The following CEP152 variants were observed in gnomAD, a reference collection of about 807,000 sequenced individuals.
The protein encoded by CEP152 is centrosomal protein 152.
Under a neutral mutation model 188.9 loss-of-function variants are expected in CEP152, and 132 were observed. The ratio of observed to expected loss-of-function variants is 0.70; its 90% CI spans 0.61 to 0.81. The LOEUF (loss-of-function observed/expected upper bound fraction) is 0.81, where lower values mean the gene tolerates loss of function less well. CEP152 is among the 30% of genes least tolerant of loss of function. CEP152 has a pLI of 0.00. For missense variants in CEP152, 1,914 were observed against 1,969.8 expected (o/e 0.97, Z 0.54); for synonymous variants, 649 against 666.6 (o/e 0.97, Z 0.41).
At chr15:48,742,182 A>G in intron 24 of CEP152, 82 bp from the exon 25 acceptor site, 2 of 1,220,538 alleles carry the variant, frequency 1.6e-6, no homozygotes, top group Non-Finnish European at 1.2e-6. Flanking sequence ...CTTCAGATCA[A>G]TTTTCTGGTA....
intron 21 of CEP152, among the ~76,000 whole-genome samples, chr15:48,750,836 G>T (rs963466153): frequency 6.6e-6 from 1 of 152,128 alleles, no homozygotes; most frequent in African/African-American, 2.4e-5. Context: ...CATTAAAAAA[G>T]ACAGTAATTT....
chr15:48,735,500 G>A (rs7165068), downstream of CEP152, among the ~76,000 whole-genome samples: 7,889 of 152,116 alleles, frequency 0.052, 512 homozygotes, highest in African/African-American at 0.15. Flanking sequence ...TTTGGGAGGC[G>A]GAGGTGGGCG....
chr15:48,809,544 T>G (rs1245099810), intron 1 of CEP152, among the ~76,000 whole-genome samples: 3 of 152,286 alleles, frequency 2.0e-5, no homozygotes, highest in Middle Eastern at 3.4e-3. Flanking sequence ...GGACACAATA[T>G]GGCTATAAGT....
intron 23 of CEP152, among the ~76,000 whole-genome samples, chr15:48,744,684 A>G (rs1369091631): frequency 6.6e-6 from 1 of 152,208 alleles, no homozygotes; most frequent in Non-Finnish European, 1.5e-5. Flanking sequence ...TTTTAAAAAC[A>G]CATTGTGCAT....
chr15:48,778,176 G>A (rs1274032026), intron 12 of CEP152, among the ~76,000 whole-genome samples: 1 of 152,202 alleles, frequency 6.6e-6, no homozygotes, highest in Non-Finnish European at 1.5e-5. Context: ...ATAGAACATT[G>A]AGGCTAAACC....
In CEP152 at chr15:48,743,051, A is replaced by G. The variant is rs140731073; in HGVS notation, c.3836-951T>C. Among the ~76,000 whole-genome samples the G allele has an allele frequency of 3.6e-3, 545 of 152,360 alleles. 3 individuals are homozygous for G. Among genetic ancestry groups the G allele is most frequent in the African/African-American group, 0.013 (528 of 41,600 alleles). ...CAACTTTCTAAAAAATAACTAAAAC[A>G]TAATATACACACATACATACAAGTT... On this transcript the variant is annotated intron_variant, in intron 24 of 26. Transcript: ENST00000380950.
rs747436177 is a variant in CEP152 at position 48,787,163 on chromosome 15, G to GTT, written c.1173+1636_1173+1637dup. Among the ~76,000 whole-genome samples the GTT allele has an allele frequency of 9.9e-4, 100 of 101,522 alleles. 6 individuals are homozygous for GTT. Among genetic ancestry groups the GTT allele is most frequent in the African/African-American group, 3.3e-3 (89 of 26,918 alleles). 66.6% of individuals were successfully genotyped at this position (101,522 alleles called of 152,430 possible). A position where few individuals can be genotyped will look rare whatever the true frequency, so the allele number is the denominator to read the frequency against. On this transcript the variant is annotated intron_variant, in intron 9 of 26. Coordinates refer to ENST00000380950, the MANE Select transcript of CEP152 (RefSeq NM_001194998.2). ...TTTTCAATAATTTGGTATAGCCTTC[G>GTT]TTTTTTTTTTTTTTTTTTTCTGGAA... is the stretch of plus-strand genomic sequence containing the variant.
chr15:48,782,779 A>G (rs1896340497), intron 10 of CEP152, among the ~76,000 whole-genome samples: 1 of 152,186 alleles, frequency 6.6e-6, no homozygotes, highest in African/African-American at 2.4e-5. Flanking sequence ...AAGGGACATT[A>G]TTAGGTTTCA....
chr15:48,785,931 G>C (rs1277500518), intron 9 of CEP152, among the ~76,000 whole-genome samples: 1 of 150,864 alleles, frequency 6.6e-6, no homozygotes, highest in Non-Finnish European at 1.5e-5. Flanking sequence ...GAGAGAGAGA[G>C]AGAGAGAGAT....
chr15:48,748,288 T>G (rs920802164), intron 22 of CEP152, among the ~76,000 whole-genome samples, 155 bp downstream of exon 22: 1 of 152,170 alleles, frequency 6.6e-6, no homozygotes, highest in Non-Finnish European at 1.5e-5. Context: ...TTGAGTTTTG[T>G]AATAATAATT....
At chr15:48,782,084 T>C (rs1896289070) in intron 11 of CEP152, 55 bp downstream of exon 11, 1 of 1,488,332 alleles carries the variant, frequency 6.7e-7, no homozygotes, top group Admixed American at 1.7e-5. Flanking sequence ...AAAGGTGATG[T>C]AACTACTGCC....
In CEP152 at chr15:48,756,006, C is replaced by A. The variant is rs1396289288; in HGVS notation, c.3242G>T (p.Trp1081Leu). The change falls in exon 20 of 27, where the codon TGG (tryptophan) becomes TTG (leucine). Residue 1081 changes from tryptophan (W) to leucine (L), a missense_variant. Coordinates refer to ENST00000380950, the MANE Select transcript of CEP152 (RefSeq NM_001194998.2). ...LEIMSTCSSK[W>L]MSVQYFEKLK... ...TTTTTCAAAATATTGCACAGACATC[C>A]ATTTTGAAGAACAAGTCGACATGAT... The A allele has an allele frequency of 6.2e-7, 1 of 1,614,050 alleles. No homozygotes were observed. The highest frequency in any genetic ancestry group is 8.5e-7 in the Non-Finnish European group (1 of 1,179,974).
chr15:48,741,789 G>A, intron 25 of CEP152, 85 bp from the exon 26 acceptor site: 1 of 1,609,782 alleles, frequency 6.2e-7, no homozygotes. Flanking sequence ...TTTCCTATTG[G>A]CTCTGCCAAC....
chr15:48,795,827 G>A (rs997489797), intron 6 of CEP152, among the ~76,000 whole-genome samples, 183 bp downstream of exon 6: 3 of 152,096 alleles, frequency 2.0e-5, no homozygotes, highest in African/African-American at 7.2e-5. Context: ...TAGACTTCAT[G>A]TCAGTTTATT....
intron 6 of CEP152, among the ~76,000 whole-genome samples, chr15:48,794,553 C>T (rs945289518): frequency 3.3e-5 from 5 of 152,172 alleles, no homozygotes; most frequent in Non-Finnish European, 7.4e-5. Flanking sequence ...ACTATAATCA[C>T]TAATTTGGCA....
At chr15:48,749,957 T>C (rs1893755209) in intron 21 of CEP152, among the ~76,000 whole-genome samples, 2 of 152,092 alleles carry the variant, frequency 1.3e-5, no homozygotes, top group Admixed American at 1.3e-4. Flanking sequence ...AAAATATTCA[T>C]ATTCCTGGAA....
At chr15:48,803,528 GT>G (rs1337489288) in intron 2 of CEP152, among the ~76,000 whole-genome samples, 1 of 152,062 alleles carries the variant, frequency 6.6e-6, no homozygotes, top group Non-Finnish European at 1.5e-5. Flanking sequence ...TTAACATGAA[GT>G]TTTTTACAAA....
At chr15:48,760,402 C>A in intron 18 of CEP152, 136 bp from the exon 19 acceptor site, 1 of 976,814 alleles carries the variant, frequency 1.0e-6, no homozygotes, top group Non-Finnish European at 1.6e-6. Context: ...ACTGCAAGTA[C>A]CCTACCTATC....
intron 17 of CEP152, 116 bp from the exon 18 acceptor site, chr15:48,762,788 T>C (rs1484533127): frequency 5.2e-6 from 5 of 964,790 alleles, no homozygotes; most frequent in African/African-American, 5.0e-5. Flanking sequence ...CTAGATATTG[T>C]TGTAGTAATT....
Sources: allele counts gnomAD v4.1 joint callset (sites outside exome capture counted in the v4.1 genomes callset), GRCh38; gene constraint gnomAD v4.1.1; transcripts MANE v1.5; gene names NCBI Gene and HGNC (gene_info 2026-07-23, HGNC 2026-07-21).